The following ESRP1 variants were observed in gnomAD, a reference collection of about 807,000 sequenced individuals.
ESRP1 encodes epithelial splicing regulatory protein 1.
In ESRP1, 33 loss-of-function variants were observed where a neutral mutation model predicts 81.7. The observed-to-expected ratio is 0.40, with a 90% CI of 0.31 to 0.54. ESRP1 has a LOEUF of 0.54. Among genes scored for constraint, ESRP1 ranks in the 20% least tolerant of loss-of-function variants. The pLI, the probability that ESRP1 is intolerant of heterozygous loss-of-function variation, is 0.41. For synonymous variants in ESRP1, 320 were observed against 303.3 expected, an observed-to-expected ratio of 1.06 and a Z score of -0.57; for missense variants, 672 against 833.1, an observed-to-expected ratio of 0.81 and a Z score of 2.38.
chr8:94,645,487 C>T (rs910330638), intron 3 of ESRP1, among the ~76,000 whole-genome samples: 10 of 151,588 alleles, frequency 6.6e-5, no homozygotes, highest in African/African-American at 1.9e-4. Flanking sequence ...AGCTTTGCTT[C>T]GTAGCCACGG....
At chr8:94,662,639 G>C in intron 6 of ESRP1, 84 bp downstream of exon 6, 1 of 1,191,002 alleles carries the variant, frequency 8.4e-7, no homozygotes, top group Non-Finnish European at 1.2e-6. Flanking sequence ...ACAGAGTCTT[G>C]CTCTGTCGCC....
intron 9 of ESRP1, 137 bp downstream of exon 9, chr8:94,665,333 C>A: frequency 2.3e-6 from 2 of 882,768 alleles, no homozygotes; most frequent in Admixed American, 2.5e-5. Context: ...GATTTTCTTC[C>A]CCAGAGGTAG....
chr8:94,658,060 C>T (rs993941042), intron 4 of ESRP1, among the ~76,000 whole-genome samples: 3 of 152,120 alleles, frequency 2.0e-5, no homozygotes, highest in Non-Finnish European at 2.9e-5. Context: ...TATAGGCGTC[C>T]GCCACCACAT....
intron 12 of ESRP1, among the ~76,000 whole-genome samples, chr8:94,674,722 A>G (rs1819505313): frequency 2.0e-5 from 3 of 152,304 alleles, no homozygotes; most frequent in South Asian, 4.1e-4. Flanking sequence ...CTTTCAAATT[A>G]TATTCCTGCT....
chr8:94,655,274 TTTTAG>T (rs1410472732), intron 4 of ESRP1, among the ~76,000 whole-genome samples: 1 of 151,710 alleles, frequency 6.6e-6, no homozygotes. Context: ...TGTATTTTAC[TTTTAG>T]TTTCACCATG....
chr8:94,645,086 A>G (rs1283047719), intron 3 of ESRP1, among the ~76,000 whole-genome samples: 1 of 152,182 alleles, frequency 6.6e-6, no homozygotes. Flanking sequence ...TGTCCTTACA[A>G]ATAGCTTTTA....
intron 4 of ESRP1, among the ~76,000 whole-genome samples, chr8:94,660,644 A>AGT (rs1182402319): frequency 3.1e-5 from 4 of 129,268 alleles, no homozygotes; most frequent in Non-Finnish European, 6.3e-5. Flanking sequence ...AGGCTGAGGT[A>AGT]GAGGTTGCAG....
At chr8:94,648,426 T>C (rs1168480039) in intron 4 of ESRP1, among the ~76,000 whole-genome samples, 21 of 152,256 alleles carry the variant, frequency 1.4e-4, no homozygotes. Flanking sequence ...GGAATACTTA[T>C]TTCCCTGTCT....
intron 15 of ESRP1, among the ~76,000 whole-genome samples, chr8:94,705,156 C>CCT (rs1810015158): frequency 1.1e-5 from 1 of 90,560 alleles, no homozygotes; most frequent in Admixed American, 1.4e-4. Flanking sequence ...TGCCTTATTG[C>CCT]TTTTTTTTTT....
rs551633744 is a variant in ESRP1 at position 94,676,499 on chromosome 8, TTTTTG to T, written c.1652-1688_1652-1684del. Among the ~76,000 whole-genome samples the T allele has an allele frequency of 7.0e-3, 1,058 of 152,202 alleles. 9 individuals carry two copies. The highest frequency in any genetic ancestry group is 0.024 in the African/African-American group (981 of 41,526). ...TGTGTGTTTATGCATGTGTGGTTTT[TTTTTG>T]TTTTGTTTTGTTTTGAGACGGAGTC... On this transcript the variant is annotated intron_variant, in intron 12 of 15. Transcript: ENST00000433389.
chr8:94,649,891 TAC>T (rs1435492770), intron 4 of ESRP1, among the ~76,000 whole-genome samples: 1 of 152,174 alleles, frequency 6.6e-6, no homozygotes, highest in Non-Finnish European at 1.5e-5. Context: ...TAACCCTTGT[TAC>T]ACACATACAT....
chr8:94,700,536 A>C (rs1285190861), intron 15 of ESRP1, among the ~76,000 whole-genome samples: 1 of 152,262 alleles, frequency 6.6e-6, no homozygotes, highest in Non-Finnish European at 1.5e-5. Context: ...ACAGTTTCTC[A>C]TTCCTGGCCT....
intron 4 of ESRP1, among the ~76,000 whole-genome samples, chr8:94,653,656 G>A (rs937228602): frequency 1.4e-4 from 22 of 152,180 alleles, no homozygotes; most frequent in African/African-American, 5.3e-4. Flanking sequence ...TCAGCTACAT[G>A]TTAGTACAGG....
At position 94,642,064 on chromosome 8, in the gene ESRP1, C is replaced by T; in HGVS notation, c.241C>T (p.Leu81=). The T allele has an allele frequency of 6.2e-7, 1 of 1,612,654 alleles. No homozygotes were observed. Among genetic ancestry groups the T allele is most frequent in the Non-Finnish European group, 8.5e-7 (1 of 1,179,810 alleles). Residue 81 remains leucine (L), a synonymous_variant, in exon 2 of 16, where the codon CTG becomes TTG. Coordinates refer to ENST00000433389, the MANE Select transcript of ESRP1 (RefSeq NM_017697.4). ...CGAAAGCCTGTCCTCGGCGTCGCAG[C>T]TGGACCAAGCCCTCCGACAGGTGAC... The part of the protein sequence containing the change: ...DVESLSSASQ[L]DQALRQFNQS...
intron 13 of ESRP1, among the ~76,000 whole-genome samples, chr8:94,691,256 G>C (rs1809391373): frequency 6.6e-6 from 1 of 152,074 alleles, no homozygotes; most frequent in African/African-American, 2.4e-5. Context: ...TCTCATAATA[G>C]AGAGTTGTTT....
chr8:94,656,085 G>A (rs964956035), intron 4 of ESRP1: 14 of 151,420 alleles, frequency 9.2e-5, no homozygotes, highest in African/African-American at 3.4e-4. Flanking sequence ...GCCTAAGGTG[G>A]GGTGAACTGT....
At chr8:94,671,370 C>T (rs1819314850) in intron 10 of ESRP1, 83 bp from the exon 11 acceptor site, 1 of 1,166,162 alleles carries the variant, frequency 8.6e-7, no homozygotes, top group Non-Finnish European at 1.2e-6. Flanking sequence ...TTCTAACGAG[C>T]TTCCCAGTGA....
chr8:94,646,021 A>T, intron 3 of ESRP1, 147 bp from the exon 4 acceptor site: 1 of 532,830 alleles, frequency 1.9e-6, no homozygotes. Context: ...AACAGGACCA[A>T]CTTTTAAAAA....
intron 9 of ESRP1, among the ~76,000 whole-genome samples, chr8:94,666,347 A>C (rs1340490605): frequency 2.6e-5 from 4 of 152,206 alleles, no homozygotes; most frequent in African/African-American, 9.7e-5. Context: ...CAACATAGTG[A>C]GATTCTGTCT....
Sources: allele counts gnomAD v4.1 joint callset (sites outside exome capture counted in the v4.1 genomes callset), GRCh38; gene constraint gnomAD v4.1.1; transcripts MANE v1.5; gene names NCBI Gene and HGNC (gene_info 2026-07-23, HGNC 2026-07-21).